The following MGST2 variants were observed in gnomAD, a reference collection of about 807,000 sequenced individuals.
The protein encoded by MGST2 is microsomal glutathione S-transferase 2.
MGST2 carries 9 observed loss-of-function variants against 16.6 expected under a neutral mutation model. That is an observed-to-expected ratio of 0.54 (90% CI 0.33 to 0.95). The LOEUF (loss-of-function observed/expected upper bound fraction) is 0.95, where lower values mean the gene tolerates loss of function less well. Among genes scored for constraint, MGST2 ranks in the 40% least tolerant of loss-of-function variants. The pLI, the probability that MGST2 is intolerant of heterozygous loss-of-function variation, is 0.03. For synonymous variants in MGST2, 79 were observed against 68.0 expected, an observed-to-expected ratio of 1.16 and a Z score of -0.79; for missense variants, 159 against 175.1, an observed-to-expected ratio of 0.91 and a Z score of 0.52.
At chr4:139,739,698 TTATG>T (rs1272709845) in intron 5 of MGST2, among the ~76,000 whole-genome samples, 3 of 142,000 alleles carry the variant, frequency 2.1e-5, no homozygotes, top group African/African-American at 5.1e-5. Context: ...TTTTTTTCTT[TTATG>T]TCCTCAGGTG....
intron 2 of MGST2, chr4:139,687,659 G>A (rs557716939): frequency 6.6e-6 from 1 of 152,304 alleles, no homozygotes; most frequent in African/African-American, 2.4e-5. Context: ...TCTATCTTTA[G>A]GTGGACCTGG....
chr4:139,719,194 A>T, intron 5 of MGST2: 1 of 1,065,268 alleles, frequency 9.4e-7, no homozygotes, highest in Non-Finnish European at 1.3e-6. Flanking sequence ...TTCCATTGTC[A>T]GCCAGCTGCA....
intron 3 of MGST2, among the ~76,000 whole-genome samples, chr4:139,700,127 C>CTTTTTTTTTTTTTTT (rs56662682): frequency 2.4e-5 from 2 of 82,974 alleles, no homozygotes; most frequent in Non-Finnish European, 4.3e-5. Flanking sequence ...TTTGGTTTTG[C>CTTTTTTTTTTTTTTT]TTTTTTTTTT....
intron 5 of MGST2, among the ~76,000 whole-genome samples, chr4:139,738,652 G>T (rs925423): frequency 0.98 from 148,427 of 152,190 alleles, 72,475 homozygotes; most frequent in East Asian, 1. Flanking sequence ...TTCCTCTGCT[G>T]CCCAATTGCT....
chr4:139,751,411 A>G, the MGST2 span, among the ~76,000 whole-genome samples: 20 of 152,224 alleles, frequency 1.3e-4, no homozygotes, highest in Admixed American at 1.3e-3. Flanking sequence ...TTCATAATAC[A>G]CGTTATACAC....
the MGST2 span, among the ~76,000 whole-genome samples, chr4:139,750,663 T>C: frequency 1.3e-5 from 2 of 152,340 alleles, no homozygotes; most frequent in Middle Eastern, 3.4e-3. Flanking sequence ...GATAAAAATA[T>C]AAATTTAAAG....
chr4:139,751,714 G>A, the MGST2 span, among the ~76,000 whole-genome samples: 1 of 152,204 alleles, frequency 6.6e-6, no homozygotes, highest in South Asian at 2.1e-4. Context: ...CAGGGAGCCA[G>A]TGGGTAGACC....
At position 139,690,236 on chromosome 4, in the gene MGST2, C is replaced by T. The variant is rs143152750; in HGVS notation, c.159-4961C>T. 7.7e-3 allele frequency among the ~76,000 whole-genome samples: 1,168 copies of T among 152,304 alleles called. 14 individuals are homozygous for T. The highest frequency in any genetic ancestry group is 0.02 in the Middle Eastern group (6 of 294). On this transcript the variant is annotated intron_variant, in intron 2 of 4. Transcript: ENST00000265498. Reference sequence around the variant, plus strand: ...TGAACTCCTGACCTCAAGTGATCCACCTGCCTCGGCCTCCCAAACTGCTAG... The same window carrying T: ...TGAACTCCTGACCTCAAGTGATCCATCTGCCTCGGCCTCCCAAACTGCTAG...
intron 2 of MGST2, among the ~76,000 whole-genome samples, chr4:139,691,937 T>C (rs746382978): frequency 3.3e-5 from 5 of 152,130 alleles, no homozygotes; most frequent in Admixed American, 6.5e-5. Context: ...CCTGACCTCG[T>C]GATTTGCCCA....
intron 2 of MGST2, among the ~76,000 whole-genome samples, chr4:139,682,443 A>T (rs531280966): frequency 6.0e-4 from 91 of 152,230 alleles, no homozygotes; most frequent in African/African-American, 2.2e-3. Flanking sequence ...AGCTGAGGAT[A>T]CACCCAGTGG....
At chr4:139,736,997 G>A (rs1340866488) in intron 5 of MGST2, among the ~76,000 whole-genome samples, 2 of 152,154 alleles carry the variant, frequency 1.3e-5, no homozygotes, top group Non-Finnish European at 2.9e-5. Context: ...ATTCTGAAAG[G>A]AGCCCATGGC....
At chr4:139,718,756 C>G (rs1275235678) in intron 5 of MGST2, 1 of 153,848 alleles carries the variant, frequency 6.5e-6, no homozygotes, top group Non-Finnish European at 1.4e-5. Context: ...CACTGTTCTT[C>G]GTGCCTGCCC....
At chr4:139,669,266 AGAGG>A (rs1479356035) in intron 1 of MGST2, among the ~76,000 whole-genome samples, 2 of 152,090 alleles carry the variant, frequency 1.3e-5, no homozygotes, top group Non-Finnish European at 2.9e-5. Context: ...AGAGTGTGTA[AGAGG>A]GAGACAGAGA....
downstream of MGST2, among the ~76,000 whole-genome samples, chr4:139,704,757 C>T (rs557382763): frequency 3.9e-5 from 6 of 152,112 alleles, no homozygotes; most frequent in South Asian, 8.3e-4. Context: ...CCTGTCTCTA[C>T]TAAAGATACA....
chr4:139,676,324 G>T (rs1164429513), intron 1 of MGST2, among the ~76,000 whole-genome samples: 2 of 151,986 alleles, frequency 1.3e-5, no homozygotes, highest in African/African-American at 4.8e-5. Flanking sequence ...GGATACTCTT[G>T]TGAGTCAGGG....
chr4:139,695,419 C>G, intron 3 of MGST2, 152 bp downstream of exon 3: 3 of 654,124 alleles, frequency 4.6e-6, no homozygotes, highest in East Asian at 2.9e-5. Flanking sequence ...GTCAGGAGTT[C>G]GAGACCAGCC....
At chr4:139,721,007 A>G (rs1405873367) in intron 5 of MGST2, among the ~76,000 whole-genome samples, 1 of 152,246 alleles carries the variant, frequency 6.6e-6, no homozygotes, top group Non-Finnish European at 1.5e-5. Flanking sequence ...CATGCTCCAG[A>G]TTCTCTGAAT....
At chr4:139,698,545 T>C (rs1401251482) in intron 3 of MGST2, 1 of 1,009,346 alleles carries the variant, frequency 9.9e-7, no homozygotes, top group African/African-American at 1.6e-5. Flanking sequence ...GTCTGCTTTG[T>C]ACGAGCCATG....
rs1731077486 is a variant in MGST2, at chr4:139,678,530, C to G, written c.59-13C>G. On this transcript the variant is annotated splice_polypyrimidine_tract_variant and intron_variant, in intron 1 of 4. Coordinates refer to ENST00000265498, the MANE Select transcript of MGST2 (RefSeq NM_002413.5). ...TGCCCCATCTTTAACGCAACATTTC[C>G]CTTTACTTGCAGGTTATTTTGCTTT... 6.2e-7 allele frequency: 1 copy of G among 1,607,422 alleles called. No homozygotes were observed.
Sources: gnomAD v4.1 joint callset for allele counts (sites outside exome capture counted in the v4.1 genomes callset) on GRCh38, gnomAD v4.1.1 for gene constraint, MANE v1.5 for transcripts, NCBI Gene and HGNC (gene_info 2026-07-23, HGNC 2026-07-21) for gene names.